Variants in MFSD6 observed in about 807,000 individuals in gnomAD.
MFSD6 encodes the protein major facilitator superfamily domain-containing protein 6.
Under a neutral mutation model 56.3 loss-of-function variants are expected in MFSD6, and 26 were observed. That is an observed-to-expected ratio of 0.46 (90% CI 0.34 to 0.64). MFSD6 has a LOEUF of 0.64. Among genes scored for constraint, MFSD6 ranks in the 30% least tolerant of loss-of-function variants. The pLI, the probability that MFSD6 is intolerant of heterozygous loss-of-function variation, is 0.01. For missense variants in MFSD6, 750 were observed against 986.2 expected (o/e 0.76, Z 3.21); for synonymous variants, 331 against 366.9 (o/e 0.90, Z 1.12).
In MFSD6 at chr2:190,500,211, G is replaced by A. The variant is rs1486226243; in HGVS notation, c.2369G>A (p.Gly790Glu). Residue 790 changes from glycine (G) to glutamate (E), a missense_variant, in exon 8 of 8, where the codon GGA (glycine) becomes GAA (glutamate). Transcript: ENST00000392328. The surrounding 1 kb of genome is among the most constrained non-coding windows in gnomAD (Gnocchi z 5.3). The stretch of plus-strand genomic sequence containing the variant: ...CAGCAGGCTCAGCTGGCCGCGGGAG[G>A]ACACTGAGGGCATCCTGCTCATCTC... ...EEQQAQLAAG[G>E]H is the part of the protein sequence containing the mutation. 1.4e-5 allele frequency: 23 copies of A among 1,614,008 alleles called. No individual in the cohort carries two copies. Among genetic ancestry groups the A allele is most frequent in the Non-Finnish European group, 1.8e-5 (21 of 1,180,034 alleles).
rs1317560796 is a variant in MFSD6 at position 190,415,587 on chromosome 2, G to A, written c.-54+174G>A. 6.6e-6 allele frequency among the ~76,000 whole-genome samples: 1 copy of A among 152,082 alleles called. No individual in the cohort carries two copies. The highest frequency in any genetic ancestry group is 1.5e-5 in the Non-Finnish European group (1 of 68,016). ...GCTCAGCCACTTTTTTATTTTATGG[G>A]CTAAGTAATAAACCTTTTTCTGAAA... On this transcript the variant is annotated intron_variant, in intron 2 of 7. Coordinates refer to ENST00000392328, the MANE Select transcript of MFSD6 (RefSeq NM_017694.4). This position sits in a 1 kb window ranked among gnomAD's most constrained non-coding sequence, Gnocchi z 4.5.
chr2:190,453,574 G>A (rs962088046), intron 3 of MFSD6, among the ~76,000 whole-genome samples: 2 of 152,260 alleles, frequency 1.3e-5, no homozygotes, highest in African/African-American at 4.8e-5. Flanking sequence ...GAGCAGGACT[G>A]TTGGGAAGAG....
rs1690815528 is a variant in MFSD6 at position 190,417,272 on chromosome 2, G to A, written c.-54+1859G>A. Among the ~76,000 whole-genome samples the A allele has an allele frequency of 6.6e-6, 1 of 152,160 alleles. No individual in the cohort carries two copies. The highest frequency in any genetic ancestry group is 1.5e-5 in the Non-Finnish European group (1 of 68,026). On this transcript the variant is annotated intron_variant, in intron 2 of 7. Coordinates refer to ENST00000392328, the MANE Select transcript of MFSD6 (RefSeq NM_017694.4). The surrounding 1 kb of genome is among the most constrained non-coding windows in gnomAD (Gnocchi z 5.7). ...TTCAGTACTGGATCATTAGCGGTAAGATCAGCACACCAAAATAAAAGTTCA... is the reference window on the plus strand; with the variant it reads ...TTCAGTACTGGATCATTAGCGGTAAAATCAGCACACCAAAATAAAAGTTCA...
Position 190,465,717 on chromosome 2 carries a change from G to T in MFSD6, c.1533-4041G>T, listed in dbSNP as rs943896202. Among the ~76,000 whole-genome samples, 6 of 152,088 alleles carry T rather than the reference G, an allele frequency of 3.9e-5. No individual in the cohort carries two copies. Among genetic ancestry groups the T allele is most frequent in the Non-Finnish European group, 7.4e-5 (5 of 68,024 alleles). On this transcript the variant is annotated intron_variant, in intron 3 of 7. Transcript: ENST00000392328. The surrounding 1 kb of genome is among the most constrained non-coding windows in gnomAD (Gnocchi z 4.6). ...TTAAAAAACAGAAGTTTATGGCCGG[G>T]CGTGGTGGCTCACGCCTATAATCCC... is the stretch of plus-strand genomic sequence containing the variant.
rs554311635 is a variant in MFSD6, at chr2:190,488,069, AT to A, written c.1631-582del. Among the ~76,000 whole-genome samples, 313 of 152,138 alleles carry A rather than the reference AT, an allele frequency of 2.1e-3. No individual in the cohort carries two copies. Among genetic ancestry groups the A allele is most frequent in the Non-Finnish European group, 3.5e-3 (238 of 67,984 alleles). On this transcript the variant is annotated intron_variant, in intron 4 of 7. Coordinates refer to ENST00000392328, the MANE Select transcript of MFSD6 (RefSeq NM_017694.4). This position sits in a 1 kb window ranked among gnomAD's most constrained non-coding sequence, Gnocchi z 6.4. ...AGGCGTGCACCACCACGCCAGGCTA[AT>A]TTTTTGTATTTTAGTAGAGACAGGG...
At position 190,494,653 on chromosome 2, in the gene MFSD6, G is replaced by A. The variant is rs1357695813; in HGVS notation, c.1892-2786G>A. ...GCATGTCAAAAAGATAATCCACCATGATCAACTGGGTTTCATACCAGGGAT... is the reference window on the plus strand; with the variant it reads ...GCATGTCAAAAAGATAATCCACCATAATCAACTGGGTTTCATACCAGGGAT... On this transcript the variant is annotated intron_variant, in intron 6 of 7. Transcript: ENST00000392328. The surrounding 1 kb of genome is among the most constrained non-coding windows in gnomAD (Gnocchi z 5.7). 6.6e-6 allele frequency among the ~76,000 whole-genome samples: 1 copy of A among 152,110 alleles called. No homozygotes were observed. The highest frequency in any genetic ancestry group is 2.4e-5 in the African/African-American group (1 of 41,426).
intron 4 of MFSD6, among the ~76,000 whole-genome samples, chr2:190,479,856 G>T (rs533469157): frequency 7.9e-5 from 12 of 152,320 alleles, no homozygotes; most frequent in Admixed American, 2.0e-4. Context: ...TTTGATGAAA[G>T]ATGTTTTTTT....
rs1687465660 is a variant in MFSD6 at position 190,463,949 on chromosome 2, G to A, written c.1533-5809G>A. On this transcript the variant is annotated intron_variant, in intron 3 of 7. Transcript: ENST00000392328. This position sits in a 1 kb window ranked among gnomAD's most constrained non-coding sequence, Gnocchi z 4.4. ...TTATATATGAGGCAGACTGTAGACT[G>A]TGCTCCAGGGATCTGGTGTCAACAA... 2.1e-6 allele frequency: 2 copies of A among 931,644 alleles called. No homozygotes were observed. The highest frequency in any genetic ancestry group is 2.3e-4 in the East Asian group (2 of 8,576). The allele number at this position is 931,644 out of a possible 1,614,324, so 57.7% of individuals were successfully genotyped here.
In MFSD6 at chr2:190,425,703, T is replaced by C. The variant is rs1685765546; in HGVS notation, c.-53-10274T>C. Among the ~76,000 whole-genome samples the C allele has an allele frequency of 6.6e-6, 1 of 152,226 alleles. No individual in the cohort carries two copies. Among genetic ancestry groups the C allele is most frequent in the Admixed American group, 6.5e-5 (1 of 15,284 alleles). ...CTTGTATTTTTGGAATCAACCACAC[T>C]TTGTCATGTTGTATAATTCTTTTTA... On this transcript the variant is annotated intron_variant, in intron 2 of 7. Coordinates refer to ENST00000392328, the MANE Select transcript of MFSD6 (RefSeq NM_017694.4). The surrounding 1 kb of genome is among the most constrained non-coding windows in gnomAD (Gnocchi z 4.3).
chr2:190,423,839 G>T lies in MFSD6; in HGVS notation c.-54+8426G>T, dbSNP rs1559104070. On this transcript the variant is annotated intron_variant, in intron 2 of 7. Coordinates refer to ENST00000392328, the MANE Select transcript of MFSD6 (RefSeq NM_017694.4). The surrounding 1 kb of genome is among the most constrained non-coding windows in gnomAD (Gnocchi z 4.3). ...TTTTATTTTAACCATTCTTATAGACGTGTAGTGATATAGCATCATGGTTTT... is the reference window on the plus strand; with the variant it reads ...TTTTATTTTAACCATTCTTATAGACTTGTAGTGATATAGCATCATGGTTTT... Among the ~76,000 whole-genome samples, 2 of 152,112 alleles carry T rather than the reference G, an allele frequency of 1.3e-5. No homozygotes were observed. Among genetic ancestry groups the T allele is most frequent in the African/African-American group, 4.8e-5 (2 of 41,418 alleles).
intron 4 of MFSD6, among the ~76,000 whole-genome samples, chr2:190,473,365 A>C (rs1267736125): frequency 6.6e-6 from 1 of 152,204 alleles, no homozygotes; most frequent in African/African-American, 2.4e-5. Context: ...AAACACACAT[A>C]GGCTCAAAAT....
intron 4 of MFSD6, among the ~76,000 whole-genome samples, chr2:190,473,919 A>T (rs1688115213): frequency 6.6e-6 from 1 of 152,216 alleles, no homozygotes; most frequent in Non-Finnish European, 1.5e-5. Flanking sequence ...ACTCACTCAA[A>T]ACTGCTCAAG....
chr2:190,417,472 C>T lies in MFSD6; in HGVS notation c.-54+2059C>T, dbSNP rs978258285. Among the ~76,000 whole-genome samples the T allele has an allele frequency of 1.3e-5, 2 of 152,170 alleles. No individual in the cohort carries two copies. Among genetic ancestry groups the T allele is most frequent in the Admixed American group, 6.5e-5 (1 of 15,272 alleles). ...ATTGTGTGTGCCCCCGTCTTCTTCTCGCCTCTGGGTGTCATGACAGGGACT... is the reference window on the plus strand; with the variant it reads ...ATTGTGTGTGCCCCCGTCTTCTTCTTGCCTCTGGGTGTCATGACAGGGACT... On this transcript the variant is annotated intron_variant, in intron 2 of 7. Coordinates refer to ENST00000392328, the MANE Select transcript of MFSD6 (RefSeq NM_017694.4). The surrounding 1 kb of genome is among the most constrained non-coding windows in gnomAD (Gnocchi z 5.7).
At chr2:190,440,301 G>A (rs1300657467) in intron 3 of MFSD6, among the ~76,000 whole-genome samples, 1 of 152,214 alleles carries the variant, frequency 6.6e-6, no homozygotes, top group Non-Finnish European at 1.5e-5. Flanking sequence ...GGACTGACCT[G>A]TCAGTCTAAA....
At position 190,428,654 on chromosome 2, in the gene MFSD6, C is replaced by CTTAT. The variant is rs77812909; in HGVS notation, c.-53-7289_-53-7286dup. Among the ~76,000 whole-genome samples, 990 of 108,334 alleles carry CTTAT rather than the reference C, an allele frequency of 9.1e-3. 15 individuals carry two copies. Among genetic ancestry groups the CTTAT allele is most frequent in the African/African-American group, 0.04 (891 of 22,244 alleles). 71.1% of individuals were successfully genotyped at this position (108,334 alleles called of 152,430 possible). ...GCACTCAAACATTTAGAGATGCTTGCTTATTTATTTATTTATTTATTTATT... is the reference window on the plus strand; with the variant it reads ...GCACTCAAACATTTAGAGATGCTTGCTTATTTATTTATTTATTTATTTATTTATT... On this transcript the variant is annotated intron_variant, in intron 2 of 7. Transcript: ENST00000392328.
Position 190,457,372 on chromosome 2 carries a change from A to G in MFSD6, c.1533-12386A>G, listed in dbSNP as rs1327042434. Among the ~76,000 whole-genome samples, 1 of 152,122 alleles carries G rather than the reference A, an allele frequency of 6.6e-6. No homozygotes were observed. The highest frequency in any genetic ancestry group is 1.5e-5 in the Non-Finnish European group (1 of 68,010). On this transcript the variant is annotated intron_variant, in intron 3 of 7. Coordinates refer to ENST00000392328, the MANE Select transcript of MFSD6 (RefSeq NM_017694.4). The surrounding 1 kb of genome is among the most constrained non-coding windows in gnomAD (Gnocchi z 5.1). Reference sequence around the variant, plus strand: ...CTTCTTTGGCTGGTTTTAGTATGTGAAAAAAACCACCTAGCAGACCCCACT... The same window carrying G: ...CTTCTTTGGCTGGTTTTAGTATGTGGAAAAAACCACCTAGCAGACCCCACT...
At chr2:190,414,194 G>A (rs867435939) in intron 1 of MFSD6, among the ~76,000 whole-genome samples, 3 of 152,080 alleles carry the variant, frequency 2.0e-5, no homozygotes, top group African/African-American at 4.8e-5. Context: ...TAGATGATGG[G>A]TTGGTAGGTG....
At chr2:190,429,785 C>T (rs1411925415) in intron 2 of MFSD6, among the ~76,000 whole-genome samples, 1 of 151,924 alleles carries the variant, frequency 6.6e-6, no homozygotes, top group East Asian at 1.9e-4. Context: ...CTATAATCTA[C>T]CTGGAATTCA....
intron 2 of MFSD6, chr2:190,435,407 A>G (rs1037036665): frequency 2.0e-5 from 3 of 152,488 alleles, no homozygotes; most frequent in African/African-American, 7.2e-5. Context: ...TACATAATAT[A>G]TGCAATGTGA....
Sources: allele counts gnomAD v4.1 joint callset (sites outside exome capture counted in the v4.1 genomes callset), GRCh38; gene constraint gnomAD v4.1.1; non-coding constraint Gnocchi (gnomAD v3.1); transcripts MANE v1.5; gene names NCBI Gene and HGNC (gene_info 2026-07-23, HGNC 2026-07-21).